Variants in OTOP3 observed in about 807,000 individuals in gnomAD.
OTOP3 encodes the protein proton channel OTOP3.
In OTOP3, 41 loss-of-function variants were observed where a neutral mutation model predicts 50.8. That is an observed-to-expected ratio of 0.81 (90% CI 0.63 to 1.05). OTOP3 has a LOEUF of 1.05. Ranked by LOEUF, OTOP3 falls within the 50% of genes least tolerant of loss-of-function variation. OTOP3 has a pLI of 0.00. For synonymous variants in OTOP3, 320 were observed against 324.4 expected (o/e 0.99, Z 0.14); for missense variants, 788 against 760.8 (o/e 1.04, Z -0.42).
chr17:74,939,503 A>G (rs181033236), intron 1 of OTOP3, among the ~76,000 whole-genome samples: 1 of 152,018 alleles, frequency 6.6e-6, no homozygotes, highest in Non-Finnish European at 1.5e-5. Flanking sequence ...AACCATCCCC[A>G]CTCTCAACAG....
Position 74,946,817 on chromosome 17 carries a change from C to A in OTOP3, c.908C>A (p.Pro303His). ...AAGAACGTGGGCCGCCACGTGGCAC[C>A]CCACATGGGTGCCCACCCTGCCACC... Reference protein sequence around the residue: ...MWKNVGRHVAPHMGAHPATAP... With the variant: ...MWKNVGRHVAHHMGAHPATAP... Residue 303 changes from proline (P) to histidine (H), a missense_variant, in exon 6 of 7, where the codon CCC (proline) becomes CAC (histidine). Pro to His is a moderately conservative substitution (Grantham distance 77). Transcript: ENST00000328801. 1 of 1,611,488 alleles carries A rather than the reference C, an allele frequency of 6.2e-7. No homozygotes were observed. Among genetic ancestry groups the A allele is most frequent in the Non-Finnish European group, 8.5e-7 (1 of 1,180,012 alleles).
At chr17:74,945,002 C>T (rs191452737) in intron 5 of OTOP3, among the ~76,000 whole-genome samples, 84 of 151,958 alleles carry the variant, frequency 5.5e-4, no homozygotes, top group African/African-American at 2.0e-3. Context: ...GGCTGGAGTG[C>T]AGTGGTGAAA....
At chr17:74,940,274 T>G (rs1416808539) in intron 1 of OTOP3, among the ~76,000 whole-genome samples, 1 of 151,522 alleles carries the variant, frequency 6.6e-6, no homozygotes, top group Non-Finnish European at 1.5e-5. Context: ...CCCAAAGTGC[T>G]GAGATTACAG....
chr17:74,938,549 G>A (rs35772578), intron 1 of OTOP3, among the ~76,000 whole-genome samples: 31,720 of 151,996 alleles, frequency 0.21, 4,370 homozygotes, highest in African/African-American at 0.37. Flanking sequence ...GACTGGGGGC[G>A]TTCCAGGAAG....
rs147825590 is a variant in OTOP3 at position 74,946,804 on chromosome 17, C to T, written c.895C>T (p.Arg299Cys). ...VLFVMWKNVGRHVAPHMGAHP... is the reference protein window; with the variant it reads ...VLFVMWKNVGCHVAPHMGAHP... ...GTTTGTCATGTGGAAGAACGTGGGC[C>T]GCCACGTGGCACCCCACATGGGTGC... Residue 299 changes from arginine to cysteine, a missense_variant, in exon 6 of 7, where the codon CGC becomes TGC. By Grantham distance (180) the Arg-to-Cys change is radical. Coordinates refer to ENST00000328801, the MANE Select transcript of OTOP3 (RefSeq NM_001272005.2). The T allele has an allele frequency of 9.7e-5, 157 of 1,611,812 alleles. No individual in the cohort carries two copies. The African/African-American group carries it at 1.1e-3, about 11-fold the overall frequency.
At chr17:74,942,942 A>G (rs939435589) in intron 3 of OTOP3, among the ~76,000 whole-genome samples, 1 of 152,160 alleles carries the variant, frequency 6.6e-6, no homozygotes, top group African/African-American at 2.4e-5. Context: ...GAGACTCCAA[A>G]AAACAAAAAA....
At chr17:74,938,681 C>A (rs1250361505) in intron 1 of OTOP3, among the ~76,000 whole-genome samples, 1 of 152,134 alleles carries the variant, frequency 6.6e-6, no homozygotes, top group Non-Finnish European at 1.5e-5. Context: ...GAACCTGGAA[C>A]CTTGTCCAGG....
At chr17:74,936,869 T>C (rs1207941661) in intron 1 of OTOP3, among the ~76,000 whole-genome samples, 1 of 152,036 alleles carries the variant, frequency 6.6e-6, no homozygotes, top group East Asian at 1.9e-4. Flanking sequence ...GTGCCAGGCA[T>C]TGCCGGCATT....
chr17:74,946,439 A>G (rs1172323133), intron 5 of OTOP3, among the ~76,000 whole-genome samples: 1 of 152,196 alleles, frequency 6.6e-6, no homozygotes, highest in East Asian at 1.9e-4. Flanking sequence ...TGCTTTACGT[A>G]AGTTTGGCAT....
chr17:74,949,714 C>T lies in OTOP3; in HGVS notation c.*298C>T, dbSNP rs779357231. 2 of 368,816 alleles carry T rather than the reference C, an allele frequency of 5.4e-6. No homozygotes were observed. The highest frequency in any genetic ancestry group is 5.0e-5 in the East Asian group (1 of 19,888). The allele number at this position is 368,816 out of a possible 1,614,324, so 22.8% of individuals were successfully genotyped here. On this transcript the variant is annotated 3_prime_UTR_variant, in exon 7 of 7. Coordinates refer to ENST00000328801, the MANE Select transcript of OTOP3 (RefSeq NM_001272005.2). Reference sequence around the variant, plus strand: ...CCCAGGAGGCTGGCAGGGGCCCCCTCACGGCTACTCTGTGGGAGGGTCAGA... The same window carrying T: ...CCCAGGAGGCTGGCAGGGGCCCCCTTACGGCTACTCTGTGGGAGGGTCAGA...
At chr17:74,942,274 G>C (rs2039185144) in intron 3 of OTOP3, among the ~76,000 whole-genome samples, 1 of 152,222 alleles carries the variant, frequency 6.6e-6, no homozygotes, top group Non-Finnish European at 1.5e-5. Context: ...AAGTCCAGCT[G>C]TCTATGCGTA....
chr17:74,944,697 C>T (rs755465732), intron 5 of OTOP3, among the ~76,000 whole-genome samples: 7 of 152,102 alleles, frequency 4.6e-5, no homozygotes, highest in Non-Finnish European at 7.3e-5. Context: ...GCGGAGGTTG[C>T]GGTAAGCCGA....
In OTOP3 at chr17:74,941,965, G is replaced by C; in HGVS notation, c.501G>C (p.Val167=). 1.2e-6 allele frequency: 2 copies of C among 1,613,698 alleles called. No homozygotes were observed. The highest frequency in any genetic ancestry group is 1.7e-6 in the Non-Finnish European group (2 of 1,179,788). Residue 167 remains valine (V), a synonymous_variant, in exon 3 of 7, where the codon GTG becomes GTC. Coordinates refer to ENST00000328801, the MANE Select transcript of OTOP3 (RefSeq NM_001272005.2). ...ACATCTTCCGAGTGGGCTACGATGT[G>C]AGCCACATCCGCTGCAAGTCACAGC... The part of the protein sequence containing the change: ...CLNIFRVGYD[V]SHIRCKSQLD...
intron 1 of OTOP3, among the ~76,000 whole-genome samples, chr17:74,940,260 G>A (rs2144780023): frequency 6.7e-6 from 1 of 150,080 alleles, no homozygotes; most frequent in South Asian, 2.1e-4. Flanking sequence ...TCCCACCTGA[G>A]GCTCCCAAAG....
chr17:74,937,968 T>A (rs2039135005), intron 1 of OTOP3, among the ~76,000 whole-genome samples: 1 of 151,896 alleles, frequency 6.6e-6, no homozygotes, highest in South Asian at 2.1e-4. Context: ...CCAGGAGGGA[T>A]GGCAGGAGGC....
At chr17:74,935,826 G>A, upstream of OTOP3, 1 of 1,519,130 alleles carries the variant, frequency 6.6e-7, no homozygotes, top group Non-Finnish European at 8.9e-7. Flanking sequence ...CCGAGCGGCG[G>A]CTGCGCAGTC....
chr17:74,941,747 C>T lies in OTOP3; in HGVS notation c.374C>T (p.Thr125Ile). The T allele has an allele frequency of 6.2e-7, 1 of 1,614,020 alleles. No homozygotes were observed. Among genetic ancestry groups the T allele is most frequent in the Middle Eastern group, 1.6e-4 (1 of 6,062 alleles). The change falls in exon 2 of 7, where the codon ACC (threonine) becomes ATC (isoleucine). Residue 125 changes from threonine (T) to isoleucine (I), a missense_variant. Thr to Ile is a moderately conservative substitution (Grantham distance 89). Transcript: ENST00000328801. ...LLWLLYYVASTTRRPHAVLYQ... is the reference protein window; with the variant it reads ...LLWLLYYVASITRRPHAVLYQ... ...TGGCTTCTCTACTATGTGGCAAGCACCACCCGCCGACCACACGCCGTGCTC... is the reference window on the plus strand; with the variant it reads ...TGGCTTCTCTACTATGTGGCAAGCATCACCCGCCGACCACACGCCGTGCTC...
In OTOP3 at chr17:74,949,406, T is replaced by TG; in HGVS notation, c.1732dup (p.Ala578GlyfsTer49). 6.2e-7 allele frequency: 1 copy of TG among 1,612,608 alleles called. No individual in the cohort carries two copies. The highest frequency in any genetic ancestry group is 8.5e-7 in the Non-Finnish European group (1 of 1,179,674). On this transcript the variant is annotated frameshift_variant, in exon 7 of 7. Coordinates refer to ENST00000328801, the MANE Select transcript of OTOP3 (RefSeq NM_001272005.2). LOFTEE classifies it high-confidence loss of function. ...GTGGGAGGCCTGGTGGAGGTCTACC[T>TG]GGGGGCCTGAGGCTGCCCACCCCCG...
chr17:74,944,270 C>T (rs1277747945), intron 5 of OTOP3, among the ~76,000 whole-genome samples: 2 of 152,176 alleles, frequency 1.3e-5, no homozygotes, highest in African/African-American at 4.8e-5. Context: ...CATGCCCCAC[C>T]CCGCCCCGGG....
Sources: gnomAD v4.1 joint callset for allele counts (sites outside exome capture counted in the v4.1 genomes callset) on GRCh38, gnomAD v4.1.1 for gene constraint, MANE v1.5 for transcripts, NCBI Gene and HGNC (gene_info 2026-07-23, HGNC 2026-07-21) for gene names.